GRIA4: variants seen among roughly 807,000 people sequenced by gnomAD.
GRIA4 encodes the protein glutamate ionotropic receptor AMPA type subunit 4.
Under a neutral mutation model 104.0 loss-of-function variants are expected in GRIA4, and 34 were observed. That is an observed-to-expected ratio of 0.33 (90% confidence interval 0.25 to 0.44). The LOEUF is 0.44. Ranked by LOEUF, GRIA4 falls within the 20% of genes least tolerant of loss-of-function variation. GRIA4 has a pLI of 1.00. For missense variants in GRIA4, 750 were observed against 1,096.5 expected, an observed-to-expected ratio of 0.68 and a Z score of 4.46; for synonymous variants, 386 against 381.9, an observed-to-expected ratio of 1.01 and a Z score of -0.13.
intron 6 of GRIA4, among the ~76,000 whole-genome samples, chr11:105,895,014 T>A (rs1264162453): frequency 7.0e-6 from 1 of 143,744 alleles, no homozygotes; most frequent in Non-Finnish European, 1.5e-5. Flanking sequence ...TTAGCCAGGA[T>A]GGTCTCGATC....
intron 3 of GRIA4, among the ~76,000 whole-genome samples, chr11:105,736,619 T>G (rs930967050): frequency 6.6e-6 from 1 of 152,074 alleles, no homozygotes; most frequent in Admixed American, 6.6e-5. Flanking sequence ...GACTTTATAC[T>G]GCATAAATTA....
In GRIA4 at chr11:105,850,556, T is replaced by A. The variant is rs1944770352; in HGVS notation, c.488-11468T>A. 2.0e-5 allele frequency among the ~76,000 whole-genome samples: 3 copies of A among 152,138 alleles called. No homozygotes were observed. The South Asian group carries it at 6.2e-4, about 31-fold the overall frequency. On this transcript the variant is annotated intron_variant, in intron 4 of 16. Transcript: ENST00000282499. ...GATGTCCTTACAGAGAGAAGGCAGT[T>A]GATAGTGTGTCCTGAGCAGTGCCGG...
At chr11:105,750,293 C>T (rs1280886209) in intron 3 of GRIA4, among the ~76,000 whole-genome samples, 1 of 151,978 alleles carries the variant, frequency 6.6e-6, no homozygotes, top group Non-Finnish European at 1.5e-5. Context: ...CACACAAAAC[C>T]CAATAACCCT....
chr11:105,734,026 A>ATATATATGTATATTATATAT (rs1938773022), intron 3 of GRIA4, among the ~76,000 whole-genome samples: 6 of 146,908 alleles, frequency 4.1e-5, no homozygotes, highest in Non-Finnish European at 6.0e-5. Context: ...ATATGAATTC[A>ATATATATGTATATTATATAT]TATATATGTA....
chr11:105,789,339 T>C (rs1362611453), intron 4 of GRIA4, among the ~76,000 whole-genome samples: 4 of 152,168 alleles, frequency 2.6e-5, no homozygotes, highest in Admixed American at 1.3e-4. Flanking sequence ...TACAGGTTTA[T>C]ATTAGATCTC....
chr11:105,702,130 C>T (rs1299219057), intron 3 of GRIA4, among the ~76,000 whole-genome samples: 1 of 152,116 alleles, frequency 6.6e-6, no homozygotes, highest in African/African-American at 2.4e-5. Flanking sequence ...GAAAGGATCT[C>T]ACTATGTTAC....
intron 5 of GRIA4, among the ~76,000 whole-genome samples, chr11:105,873,420 T>C (rs1565305841): frequency 6.6e-6 from 1 of 152,178 alleles, no homozygotes; most frequent in Non-Finnish European, 1.5e-5. Context: ...TGATTTATAA[T>C]CCTTTGGGTA....
At chr11:105,807,591 A>G (rs1301527674) in intron 4 of GRIA4, among the ~76,000 whole-genome samples, 1 of 151,900 alleles carries the variant, frequency 6.6e-6, no homozygotes, top group African/African-American at 2.4e-5. Context: ...ATCAAACTTG[A>G]TAACTTTGAT....
intron 3 of GRIA4, among the ~76,000 whole-genome samples, chr11:105,732,904 C>T (rs928355344): frequency 3.9e-5 from 6 of 152,126 alleles, no homozygotes; most frequent in East Asian, 1.9e-4. Flanking sequence ...ACATCCATTA[C>T]GCTATTATTA....
chr11:105,778,172 T>C (rs1941537740), intron 4 of GRIA4, among the ~76,000 whole-genome samples: 1 of 152,188 alleles, frequency 6.6e-6, no homozygotes, highest in Non-Finnish European at 1.5e-5. Context: ...TGGTAAAGAA[T>C]TCTCCCTGTC....
chr11:105,811,889 T>A (rs1200873117), intron 4 of GRIA4, among the ~76,000 whole-genome samples: 1 of 152,148 alleles, frequency 6.6e-6, no homozygotes, highest in Non-Finnish European at 1.5e-5. Flanking sequence ...TGGGCTCGAA[T>A]TCACAAAGAC....
At chr11:105,684,325 C>T (rs887221707) in intron 3 of GRIA4, among the ~76,000 whole-genome samples, 4 of 151,896 alleles carry the variant, frequency 2.6e-5, no homozygotes, top group Non-Finnish European at 4.4e-5. Flanking sequence ...AGAAATAACA[C>T]GATTTTTTCA....
At chr11:105,785,606 G>A (rs1157457720) in intron 4 of GRIA4, among the ~76,000 whole-genome samples, 1 of 152,088 alleles carries the variant, frequency 6.6e-6, no homozygotes, top group Non-Finnish European at 1.5e-5. Context: ...TCCTTCCCAT[G>A]GGAACTGACA....
At chr11:105,680,079 G>A (rs991734413) in intron 3 of GRIA4, among the ~76,000 whole-genome samples, 3 of 152,058 alleles carry the variant, frequency 2.0e-5, no homozygotes, top group Non-Finnish European at 2.9e-5. Context: ...TTCCTTTGCC[G>A]GTTTACCTAG....
intron 4 of GRIA4, among the ~76,000 whole-genome samples, chr11:105,857,411 A>T (rs1234691982): frequency 6.6e-6 from 1 of 152,116 alleles, no homozygotes; most frequent in Non-Finnish European, 1.5e-5. Context: ...TTTATGAGGG[A>T]GGCTTTAATT....
At chr11:105,879,449 C>T (rs757468863) in intron 5 of GRIA4, among the ~76,000 whole-genome samples, 6 of 152,128 alleles carry the variant, frequency 3.9e-5, no homozygotes, top group East Asian at 1.9e-4. Context: ...ATTTGGGATA[C>T]GTACATGAAC....
intron 3 of GRIA4, among the ~76,000 whole-genome samples, chr11:105,692,258 A>ATT (rs1565468440): frequency 2.1e-5 from 3 of 143,610 alleles, no homozygotes; most frequent in African/African-American, 5.0e-5. Flanking sequence ...TTTTTTTTAA[A>ATT]AAAAAAAAGA....
intron 3 of GRIA4, among the ~76,000 whole-genome samples, chr11:105,742,565 CAT>C (rs1491214347): frequency 2.0e-5 from 3 of 150,990 alleles, no homozygotes; most frequent in Non-Finnish European, 4.4e-5. Flanking sequence ...CACACATATA[CAT>C]GTGTGTATAT....
At chr11:105,845,668 G>C (rs1944560866) in intron 4 of GRIA4, among the ~76,000 whole-genome samples, 1 of 151,782 alleles carries the variant, frequency 6.6e-6, no homozygotes, top group South Asian at 2.1e-4. Flanking sequence ...TAGATCGCGA[G>C]GTCAGGAGAT....
Sources: allele counts gnomAD v4.1 joint callset (sites outside exome capture counted in the v4.1 genomes callset), GRCh38; gene constraint gnomAD v4.1.1; transcripts MANE v1.5; gene names NCBI Gene and HGNC (gene_info 2026-07-23, HGNC 2026-07-21).